Variants in CEP192 observed in about 807,000 individuals in gnomAD.
CEP192 encodes centrosomal protein 192, also known as centrosomal protein of 192 kDa.
Under a neutral mutation model 271.8 loss-of-function variants are expected in CEP192, and 151 were observed. The ratio of observed to expected loss-of-function variants is 0.56; its 90% CI spans 0.49 to 0.64. CEP192 has a LOEUF of 0.64. Among genes scored for constraint, CEP192 ranks in the 30% least tolerant of loss-of-function variants. The pLI, the probability that CEP192 is intolerant of heterozygous loss-of-function variation, is 0.00. For missense variants in CEP192, 2,910 were observed against 3,020.5 expected, an observed-to-expected ratio of 0.96 and a Z score of 0.86; for synonymous variants, 995 against 1,076.5, an observed-to-expected ratio of 0.92 and a Z score of 1.48.
chr18:13,039,179 G>C (rs1367027337), intron 13 of CEP192, among the ~76,000 whole-genome samples: 4 of 152,188 alleles, frequency 2.6e-5, no homozygotes, highest in African/African-American at 9.7e-5. Context: ...AGCAGGGCCA[G>C]CGCAGTGGCT....
intron 21 of CEP192, among the ~76,000 whole-genome samples, chr18:13,060,922 T>C (rs2037376329): frequency 1.2e-5 from 1 of 81,980 alleles, no homozygotes; most frequent in Admixed American, 1.2e-4. Flanking sequence ...AGACCCAGTC[T>C]TAAAAGGAAA....
intron 11 of CEP192, among the ~76,000 whole-genome samples, chr18:13,036,623 T>C (rs1421061006): frequency 6.6e-6 from 1 of 151,856 alleles, no homozygotes; most frequent in African/African-American, 2.4e-5. Flanking sequence ...CTCCCAGTTG[T>C]GTTTCTGGCC....
chr18:13,124,557 A>C (rs2040818704), intron 44 of CEP192, 75 bp from the exon 45 acceptor site: 1 of 1,419,470 alleles, frequency 7.0e-7, no homozygotes, highest in Middle Eastern at 2.1e-4. Flanking sequence ...CACCTGAGCC[A>C]GGCACTGTGC....
intron 33 of CEP192, among the ~76,000 whole-genome samples, chr18:13,089,981 A>G (rs2039066497): frequency 6.6e-6 from 1 of 152,226 alleles, no homozygotes; most frequent in Non-Finnish European, 1.5e-5. Context: ...TTACTGTGCT[A>G]TCGTGCCTAT....
At chr18:13,041,244 G>A (rs1048408438) in intron 14 of CEP192, among the ~76,000 whole-genome samples, 3 of 152,052 alleles carry the variant, frequency 2.0e-5, no homozygotes, top group African/African-American at 2.4e-5. Flanking sequence ...TTAATTAATC[G>A]TAGATATAAT....
intron 21 of CEP192, 48 bp from the exon 22 acceptor site, chr18:13,067,783 T>A (rs1665635016): frequency 6.7e-7 from 1 of 1,502,832 alleles, no homozygotes; most frequent in Admixed American, 1.7e-5. Context: ...CATGTTGTGC[T>A]ATTAATATAT....
chr18:13,116,558 T>C, intron 43 of CEP192, 55 bp downstream of exon 43: 1 of 1,464,248 alleles, frequency 6.8e-7, no homozygotes. Context: ...TCAACTCTGA[T>C]AACAAACATT....
At chr18:13,006,044 C>T (rs1295419631) in intron 3 of CEP192, among the ~76,000 whole-genome samples, 2 of 152,130 alleles carry the variant, frequency 1.3e-5, no homozygotes, top group African/African-American at 4.8e-5. Flanking sequence ...TTCTAATTGG[C>T]ATTGGTTTGG....
chr18:13,062,493 G>T (rs2037460233), intron 21 of CEP192, among the ~76,000 whole-genome samples: 1 of 149,734 alleles, frequency 6.7e-6, no homozygotes, highest in Non-Finnish European at 1.5e-5. Context: ...ATGTGTGCAG[G>T]TTCCTGTTAT....
At chr18:13,107,969 A>C (rs1482958418) in intron 40 of CEP192, among the ~76,000 whole-genome samples, 1 of 152,174 alleles carries the variant, frequency 6.6e-6, no homozygotes, top group East Asian at 1.9e-4. Context: ...CCAATGGAAC[A>C]GAATAGAGAA....
At chr18:13,032,648 A>G (rs2035697109) in intron 11 of CEP192, among the ~76,000 whole-genome samples, 1 of 152,194 alleles carries the variant, frequency 6.6e-6, no homozygotes, top group Non-Finnish European at 1.5e-5. Flanking sequence ...ACCTGAGTAC[A>G]TATGCAGCAG....
At chr18:13,062,414 T>A (rs16940084) in intron 21 of CEP192, among the ~76,000 whole-genome samples, 6,638 of 152,278 alleles carry the variant, frequency 0.044, 218 homozygotes, top group East Asian at 0.14. Flanking sequence ...TGTTACAGTT[T>A]AAAGTATATG....
In CEP192 at chr18:13,015,399, A is replaced by T; in HGVS notation, c.591A>T (p.Leu197Phe). 6.4e-7 allele frequency: 1 copy of T among 1,551,286 alleles called. No individual in the cohort carries two copies. Residue 197 changes from leucine to phenylalanine, a missense_variant, in exon 6 of 45, where the codon TTA becomes TTT. By Grantham distance (22) the Leu-to-Phe change is conservative. Coordinates refer to ENST00000506447, the MANE Select transcript of CEP192 (RefSeq NM_032142.4). ...AGAGTGACCTAAGCCACACTAGCTT[A>T]TTAGAAAATGAGAAACTTATCTTAC... Reference protein sequence around the residue: ...TLKSDLSHTSLLENEKLILPT... With the variant: ...TLKSDLSHTSFLENEKLILPT...
intron 5 of CEP192, among the ~76,000 whole-genome samples, chr18:13,014,636 A>G (rs1209862412): frequency 1.3e-5 from 2 of 152,226 alleles, no homozygotes; most frequent in African/African-American, 4.8e-5. Context: ...AAATAACAGT[A>G]GATTATAGTA....
At chr18:13,090,787 G>A (rs1459322358) in intron 33 of CEP192, among the ~76,000 whole-genome samples, 1 of 152,248 alleles carries the variant, frequency 6.6e-6, no homozygotes, top group East Asian at 1.9e-4. Context: ...TCATAGGAAG[G>A]ATCCAAATAC....
intron 39 of CEP192, among the ~76,000 whole-genome samples, chr18:13,104,674 A>G (rs894413626): frequency 2.0e-5 from 3 of 152,228 alleles, no homozygotes; most frequent in African/African-American, 7.2e-5. Flanking sequence ...TGCACATTCA[A>G]CAGGGTCTTC....
chr18:13,074,495 C>G (rs1213300674), intron 30 of CEP192, among the ~76,000 whole-genome samples: 2 of 152,170 alleles, frequency 1.3e-5, no homozygotes, highest in Non-Finnish European at 2.9e-5. Flanking sequence ...TTTAGGTTTA[C>G]TAGCCATGAT....
intron 18 of CEP192, among the ~76,000 whole-genome samples, chr18:13,054,356 A>G (rs1420546823): frequency 2.6e-5 from 4 of 152,214 alleles, no homozygotes; most frequent in Non-Finnish European, 4.4e-5. Context: ...TGGATGTGAC[A>G]GTGTGCAGTT....
intron 15 of CEP192, among the ~76,000 whole-genome samples, chr18:13,045,939 T>G (rs2036449814): frequency 6.6e-6 from 1 of 152,240 alleles, no homozygotes; most frequent in Non-Finnish European, 1.5e-5. Flanking sequence ...TCTTTATATT[T>G]CAGATGTTAT....
Sources: gnomAD v4.1 joint callset for allele counts (sites outside exome capture counted in the v4.1 genomes callset) on GRCh38, gnomAD v4.1.1 for gene constraint, MANE v1.5 for transcripts, NCBI Gene and HGNC (gene_info 2026-07-23, HGNC 2026-07-21) for gene names.